Variants in ST8SIA1 observed in about 807,000 individuals in gnomAD.
The protein encoded by ST8SIA1 is ST8 alpha-N-acetyl-neuraminide alpha-2,8-sialyltransferase 1.
ST8SIA1 carries 16 observed loss-of-function variants against 35.9 expected under a neutral mutation model. The observed-to-expected ratio is 0.45, with a 90% CI of 0.30 to 0.68. The LOEUF (loss-of-function observed/expected upper bound fraction) is 0.68. ST8SIA1 is among the 30% of genes least tolerant of loss of function. The pLI, the probability that ST8SIA1 is intolerant of heterozygous loss-of-function variation, is 0.09. For synonymous variants in ST8SIA1, 170 were observed against 169.6 expected, an observed-to-expected ratio of 1.00 and a Z score of -0.02; for missense variants, 383 against 453.6, an observed-to-expected ratio of 0.84 and a Z score of 1.41.
chr12:22,290,412 C>T (rs574964920), intron 1 of ST8SIA1, among the ~76,000 whole-genome samples: 5 of 152,236 alleles, frequency 3.3e-5, no homozygotes, highest in Admixed American at 3.3e-4. Flanking sequence ...TAGTAGTAGT[C>T]ATATTAGAAG....
At chr12:22,315,395 C>A (rs889756365) in intron 1 of ST8SIA1, among the ~76,000 whole-genome samples, 1 of 152,050 alleles carries the variant, frequency 6.6e-6, no homozygotes, top group African/African-American at 2.4e-5. Flanking sequence ...TGCAGTAATC[C>A]CACTGCTAGA....
rs531416675 is a variant in ST8SIA1 at position 22,234,855 on chromosome 12, T to A, written c.584+14151A>T. Among the ~76,000 whole-genome samples the A allele has an allele frequency of 3.5e-5, 5 of 144,138 alleles. No individual in the cohort carries two copies. In the South Asian group the frequency reaches 1.2e-3, roughly 34 times the overall value. The allele number at this position is 144,138 out of a possible 152,430, so 94.6% of individuals were successfully genotyped here. ...ATATTAAAAACTGTGCAGCTCACAA[T>A]CAATAAAATATGGTAATTTAACCAT... On this transcript the variant is annotated intron_variant, in intron 4 of 4. Coordinates refer to ENST00000396037, the MANE Select transcript of ST8SIA1 (RefSeq NM_003034.4).
At chr12:22,237,382 G>C (rs1865487366) in intron 4 of ST8SIA1, among the ~76,000 whole-genome samples, 1 of 152,072 alleles carries the variant, frequency 6.6e-6, no homozygotes, top group African/African-American at 2.4e-5. Flanking sequence ...GGGATTGCAG[G>C]TGTGAGCCAC....
At chr12:22,222,804 T>C (rs149485190) in intron 4 of ST8SIA1, among the ~76,000 whole-genome samples, 159 of 152,198 alleles carry the variant, frequency 1.0e-3, no homozygotes, top group African/African-American at 3.6e-3. Context: ...AAATATTATA[T>C]ATACACACAT....
intron 4 of ST8SIA1, among the ~76,000 whole-genome samples, chr12:22,227,007 C>T (rs569077097): frequency 6.6e-6 from 1 of 152,126 alleles, no homozygotes; most frequent in East Asian, 2.0e-4. Flanking sequence ...AGTGCAGTGG[C>T]ATGATCTTGG....
intron 1 of ST8SIA1, among the ~76,000 whole-genome samples, chr12:22,295,681 A>G (rs1477665934): frequency 1.3e-5 from 2 of 152,130 alleles, no homozygotes; most frequent in East Asian, 3.9e-4. Context: ...GCAGTAAGCC[A>G]TGATCACACT....
chr12:22,308,342 A>G (rs1013011328), intron 1 of ST8SIA1, among the ~76,000 whole-genome samples: 6 of 152,208 alleles, frequency 3.9e-5, no homozygotes, highest in African/African-American at 1.2e-4. Context: ...GAACATAACC[A>G]TACAAAGAAA....
At chr12:22,290,029 A>G (rs982283724) in intron 1 of ST8SIA1, among the ~76,000 whole-genome samples, 8 of 152,206 alleles carry the variant, frequency 5.3e-5, no homozygotes, top group Admixed American at 4.6e-4. Flanking sequence ...CAGCATCACC[A>G]TGCTAGGGCA....
At chr12:22,307,685 A>G (rs903452709) in intron 1 of ST8SIA1, among the ~76,000 whole-genome samples, 10 of 152,182 alleles carry the variant, frequency 6.6e-5, no homozygotes, top group African/African-American at 2.4e-4. Flanking sequence ...TCCTAATCAG[A>G]TATCACTAGG....
chr12:22,270,581 T>C (rs940675122), intron 2 of ST8SIA1, among the ~76,000 whole-genome samples: 1 of 152,212 alleles, frequency 6.6e-6, no homozygotes, highest in African/African-American at 2.4e-5. Context: ...ATATAATTTT[T>C]CCTCTAAATC....
At chr12:22,261,280 GA>G (rs1223926963) in intron 2 of ST8SIA1, among the ~76,000 whole-genome samples, 1 of 152,070 alleles carries the variant, frequency 6.6e-6, no homozygotes, top group Admixed American at 6.6e-5. Context: ...GTGTAGCTGG[GA>G]TTACAGGTGC....
At chr12:22,254,347 G>A (rs1865706005) in intron 3 of ST8SIA1, among the ~76,000 whole-genome samples, 1 of 151,906 alleles carries the variant, frequency 6.6e-6, no homozygotes, top group South Asian at 2.1e-4. Context: ...TTCATTCATA[G>A]CCAGGAGCCA....
rs1364792715 is a variant in ST8SIA1 at position 22,334,054 on chromosome 12, C to G, written c.179G>C (p.Gly60Ala). 1.9e-6 allele frequency: 3 copies of G among 1,614,128 alleles called. No individual in the cohort carries two copies. Among genetic ancestry groups the G allele is most frequent in the East Asian group, 4.5e-5 (2 of 44,860 alleles). The change falls in exon 1 of 5, where the codon GGG (glycine) becomes GCG (alanine). Residue 60 changes from glycine to alanine, a missense_variant. Gly to Ala is a moderately conservative substitution (Grantham distance 60, BLOSUM62 0). Coordinates refer to ENST00000396037, the MANE Select transcript of ST8SIA1 (RefSeq NM_003034.4). ...RLPNEKEIVQ[G>A]VLQQGTAWRR... is the part of the protein sequence containing the mutation. ...CCACGCCGTGCCCTGTTGCAGCACCCCCTGCACGATCTCTTTCTCGTTGGG... is the reference window on the plus strand; with the variant it reads ...CCACGCCGTGCCCTGTTGCAGCACCGCCTGCACGATCTCTTTCTCGTTGGG...
chr12:22,260,178 T>C (rs1477294988), intron 2 of ST8SIA1, among the ~76,000 whole-genome samples: 1 of 151,616 alleles, frequency 6.6e-6, no homozygotes, highest in Admixed American at 6.6e-5. Flanking sequence ...TTTTTTTTTT[T>C]AGAAAGGGTC....
At chr12:22,211,988 G>C (rs1270670060) in intron 4 of ST8SIA1, among the ~76,000 whole-genome samples, 1 of 152,172 alleles carries the variant, frequency 6.6e-6, no homozygotes, top group African/African-American at 2.4e-5. Flanking sequence ...TGGGATTACA[G>C]GCATGAGCCA....
In ST8SIA1 at chr12:22,282,992, G is replaced by GA. The variant is rs374457736; in HGVS notation, c.381+4156dup. Among the ~76,000 whole-genome samples, 226 of 151,836 alleles carry GA rather than the reference G, an allele frequency of 1.5e-3. 1 individual carries two copies. Among genetic ancestry groups the GA allele is most frequent in the African/African-American group, 5.1e-3 (211 of 41,432 alleles). ...TTCTATTAAGCACACTACTGTGAAG[G>GA]AAAAAAAATGTGTATTTTCATTTTA... On this transcript the variant is annotated intron_variant, in intron 2 of 4. Transcript: ENST00000396037.
At chr12:22,217,492 G>T (rs1865247314) in intron 4 of ST8SIA1, among the ~76,000 whole-genome samples, 1 of 152,124 alleles carries the variant, frequency 6.6e-6, no homozygotes, top group Non-Finnish European at 1.5e-5. Flanking sequence ...CTCAAATGTG[G>T]TTTCAAATTT....
intron 4 of ST8SIA1, among the ~76,000 whole-genome samples, chr12:22,219,774 G>T (rs544439335): frequency 1.5e-4 from 23 of 152,214 alleles, no homozygotes; most frequent in African/African-American, 5.1e-4. Flanking sequence ...CAATGACTAC[G>T]TTAGGAGGCT....
intron 1 of ST8SIA1, among the ~76,000 whole-genome samples, chr12:22,296,483 G>T (rs1861606): frequency 6.6e-6 from 1 of 151,920 alleles, no homozygotes; most frequent in Non-Finnish European, 1.5e-5. Context: ...TCTCACTCTT[G>T]TCTCTGTCCT....
Sources: gnomAD v4.1 joint callset for allele counts (sites outside exome capture counted in the v4.1 genomes callset) on GRCh38, gnomAD v4.1.1 for gene constraint, MANE v1.5 for transcripts, NCBI Gene and HGNC (gene_info 2026-07-23, HGNC 2026-07-21) for gene names.